CFAP44: variants seen among roughly 807,000 people sequenced by gnomAD.
CFAP44 encodes cilia- and flagella-associated protein 44.
In CFAP44, 134 loss-of-function variants were observed where a neutral mutation model predicts 216.2. That is an observed-to-expected ratio of 0.62 (90% confidence interval 0.54 to 0.72). CFAP44 has a LOEUF of 0.72. CFAP44 is among the 30% of genes least tolerant of loss of function. The pLI, the probability that CFAP44 is intolerant of heterozygous loss-of-function variation, is 0.00. For synonymous variants in CFAP44, 700 were observed against 727.6 expected (o/e 0.96, Z 0.61); for missense variants, 2,035 against 2,182.1 (o/e 0.93, Z 1.34).
chr3:113,404,444 A>G (rs1934222197), intron 8 of CFAP44, among the ~76,000 whole-genome samples: 1 of 152,218 alleles, frequency 6.6e-6, no homozygotes, highest in Admixed American at 6.5e-5. Context: ...ATCCAATTTC[A>G]AACAAGGATA....
chr3:113,401,770 G>A (rs775473602), intron 9 of CFAP44, 31 bp from the exon 10 acceptor site: 3 of 1,555,062 alleles, frequency 1.9e-6, no homozygotes, highest in Admixed American at 2.0e-5. Context: ...TACTTTAATC[G>A]ATCAGTAGTT....
rs1290894640 is a variant in CFAP44 at position 113,427,228 on chromosome 3, C to A, written c.212G>T (p.Ser71Ile). 1 of 1,613,136 alleles carries A rather than the reference C, an allele frequency of 6.2e-7. No homozygotes were observed. The highest frequency in any genetic ancestry group is 1.3e-5 in the African/African-American group (1 of 74,886). ...ATCACCATACTGAAATGAACTCAAA[C>A]TTCCTTCCAAACGTTCCTCATCTGA... The part of the protein sequence containing the change: ...EDSDEERLEG[S>I]LSSFQYGDLQ... Residue 71 changes from serine (S) to isoleucine (I), a missense_variant, in exon 3 of 35, where the codon AGT becomes ATT. This residue lies in a region of CFAP44 where 149 missense variants were observed against 141.8 expected (regional missense o/e 1.05). Coordinates refer to ENST00000393845, the MANE Select transcript of CFAP44 (RefSeq NM_001164496.2).
intron 28 of CFAP44, among the ~76,000 whole-genome samples, chr3:113,309,755 T>C (rs1950021029): frequency 6.6e-6 from 1 of 152,172 alleles, no homozygotes; most frequent in Non-Finnish European, 1.5e-5. Flanking sequence ...GTAGAGCAAC[T>C]ATGCACCTTA....
chr3:113,340,534 A>G (rs1240876603), intron 24 of CFAP44, among the ~76,000 whole-genome samples: 1 of 152,196 alleles, frequency 6.6e-6, no homozygotes, highest in Non-Finnish European at 1.5e-5. Flanking sequence ...TAAATGGGAA[A>G]GGTTCCCTTG....
chr3:113,393,881 T>C (rs1933918582), intron 15 of CFAP44, among the ~76,000 whole-genome samples: 1 of 152,152 alleles, frequency 6.6e-6, no homozygotes, highest in South Asian at 2.1e-4. Context: ...CCTTTTCACC[T>C]TCTGACATGA....
intron 28 of CFAP44, among the ~76,000 whole-genome samples, chr3:113,319,453 T>C (rs114372427): frequency 0.036 from 5,414 of 152,268 alleles, 326 homozygotes; most frequent in African/African-American, 0.12. Flanking sequence ...CTTCCTGGCC[T>C]ACAAAAAGAC....
chr3:113,381,647 T>C (rs1405960923), intron 15 of CFAP44, among the ~76,000 whole-genome samples: 1 of 152,252 alleles, frequency 6.6e-6, no homozygotes, highest in East Asian at 1.9e-4. Context: ...ACCTGTCTCT[T>C]GACTTCAAAA....
intron 24 of CFAP44, among the ~76,000 whole-genome samples, chr3:113,338,287 A>ACT (rs1950299715): frequency 8.2e-4 from 121 of 147,854 alleles, no homozygotes; most frequent in African/African-American, 2.3e-3. Flanking sequence ...AAAAAAAAGA[A>ACT]CAAACTCTGT....
Position 113,400,550 on chromosome 3 carries a change from A to G in CFAP44, c.1469T>C (p.Leu490Ser). ...PLTYLMATTA[L>S]DCSVRIYDFA... ...TATTAAGAGTTCCTACTTACAGTCCAAGGCAGTTGTGGCCATGAGATAAGT... is the reference window on the plus strand; with the variant it reads ...TATTAAGAGTTCCTACTTACAGTCCGAGGCAGTTGTGGCCATGAGATAAGT... Residue 490 changes from leucine to serine, a missense_variant, in exon 12 of 35, where the codon TTG (leucine) becomes TCG (serine). This residue lies in a region of CFAP44 where 1,883 missense variants were observed against 2,023.7 expected (regional missense o/e 0.93). Transcript: ENST00000393845. 6.2e-7 allele frequency: 1 copy of G among 1,601,510 alleles called. No homozygotes were observed. The highest frequency in any genetic ancestry group is 8.5e-7 in the Non-Finnish European group (1 of 1,174,908).
intron 15 of CFAP44, among the ~76,000 whole-genome samples, chr3:113,382,767 G>A (rs1933548867): frequency 6.6e-6 from 1 of 152,218 alleles, no homozygotes; most frequent in South Asian, 2.1e-4. Flanking sequence ...GAATACAGAG[G>A]TAAATGGGAT....
intron 30 of CFAP44, among the ~76,000 whole-genome samples, 153 bp from the exon 31 acceptor site, chr3:113,305,305 G>A (rs1029486755): frequency 3.3e-5 from 5 of 152,160 alleles, no homozygotes; most frequent in Non-Finnish European, 7.4e-5. Flanking sequence ...TTGCAACTCA[G>A]GAATGCATAT....
chr3:113,310,614 T>C (rs948005033), intron 28 of CFAP44, among the ~76,000 whole-genome samples: 1 of 152,218 alleles, frequency 6.6e-6, no homozygotes, highest in East Asian at 1.9e-4. Context: ...ACCAGGAAGA[T>C]ATCTGATATG....
intron 15 of CFAP44, among the ~76,000 whole-genome samples, chr3:113,382,061 T>C (rs1933528907): frequency 6.6e-6 from 1 of 152,158 alleles, no homozygotes; most frequent in Non-Finnish European, 1.5e-5. Context: ...GGAAACACCA[T>C]GTGCAAAAGT....
intron 22 of CFAP44, among the ~76,000 whole-genome samples, chr3:113,349,364 T>C (rs1249377297): frequency 6.6e-6 from 1 of 152,116 alleles, no homozygotes. Context: ...GAGGCATTAT[T>C]AAACCTGGCA....
intron 5 of CFAP44, among the ~76,000 whole-genome samples, chr3:113,416,949 T>C (rs191683236): frequency 3.3e-5 from 5 of 152,324 alleles, no homozygotes; most frequent in South Asian, 2.1e-4. Context: ...AAAATATAGA[T>C]TGCAAGCCCT....
intron 1 of CFAP44, among the ~76,000 whole-genome samples, chr3:113,439,061 G>C (rs1935299584): frequency 1.3e-5 from 2 of 152,174 alleles, no homozygotes; most frequent in African/African-American, 4.8e-5. Flanking sequence ...TTGGGTTCTA[G>C]ACCATGTTCT....
At chr3:113,399,371 T>C (rs966155128) in intron 13 of CFAP44, among the ~76,000 whole-genome samples, 1 of 152,244 alleles carries the variant, frequency 6.6e-6, no homozygotes, top group East Asian at 1.9e-4. Flanking sequence ...CAGCAATTGA[T>C]AAATGGAACA....
At chr3:113,352,320 C>T (rs1054930108) in intron 22 of CFAP44, among the ~76,000 whole-genome samples, 1 of 152,186 alleles carries the variant, frequency 6.6e-6, no homozygotes, top group Non-Finnish European at 1.5e-5. Context: ...CTGCTCAGGT[C>T]CCCTTCCATG....
At chr3:113,355,831 A>G (rs1466107026) in intron 22 of CFAP44, among the ~76,000 whole-genome samples, 1 of 152,022 alleles carries the variant, frequency 6.6e-6, no homozygotes, top group Non-Finnish European at 1.5e-5. Context: ...CCTACAATGT[A>G]AAATTTACAA....
Sources: gnomAD v4.1 joint callset for allele counts (sites outside exome capture counted in the v4.1 genomes callset) on GRCh38, gnomAD v4.1.1 for gene constraint, gnomAD v4.1.1 regional missense constraint, MANE v1.5 for transcripts, NCBI Gene and HGNC (gene_info 2026-07-23, HGNC 2026-07-21) for gene names.